Variants in PRKAG2 observed in about 807,000 individuals in gnomAD.
The protein encoded by PRKAG2 is protein kinase AMP-activated non-catalytic subunit gamma 2.
In PRKAG2, 26 loss-of-function variants were observed where a neutral mutation model predicts 69.6. That is an observed-to-expected ratio of 0.37 (90% CI 0.27 to 0.52). The LOEUF (loss-of-function observed/expected upper bound fraction) is 0.52, where lower values mean the gene tolerates loss of function less well. Among genes scored for constraint, PRKAG2 ranks in the 20% least tolerant of loss-of-function variants. PRKAG2 has a pLI of 0.90. For synonymous variants in PRKAG2, 293 were observed against 285.0 expected (o/e 1.03, Z -0.28); for missense variants, 557 against 740.0 (o/e 0.75, Z 2.87).
chr7:151,621,678 T>C (rs1821523370), intron 5 of PRKAG2, among the ~76,000 whole-genome samples: 1 of 152,086 alleles, frequency 6.6e-6, no homozygotes, highest in Non-Finnish European at 1.5e-5. Context: ...GCTCAAGCAA[T>C]CCTCCTATCT....
At chr7:151,650,155 C>T (rs1828245032) in intron 4 of PRKAG2, among the ~76,000 whole-genome samples, 1 of 152,118 alleles carries the variant, frequency 6.6e-6, no homozygotes, top group Non-Finnish European at 1.5e-5. Context: ...GTGGAGGCTG[C>T]AGTGAGCTGT....
intron 3 of PRKAG2, among the ~76,000 whole-genome samples, chr7:151,775,013 C>T (rs2076267957): frequency 6.6e-6 from 1 of 152,200 alleles, no homozygotes; most frequent in South Asian, 2.1e-4. Flanking sequence ...GGGATCATAG[C>T]CACATCCTCC....
chr7:151,832,594 C>CT (rs1554614821), intron 1 of PRKAG2, among the ~76,000 whole-genome samples: 10 of 12,626 alleles, frequency 7.9e-4, no homozygotes, highest in Non-Finnish European at 2.5e-3. Context: ...TGAGGCATCT[C>CT]TGGGGGGGGG....
At chr7:151,707,256 C>G (rs1252645947) in intron 3 of PRKAG2, among the ~76,000 whole-genome samples, 1 of 152,324 alleles carries the variant, frequency 6.6e-6, no homozygotes, top group East Asian at 1.9e-4. Context: ...GGAGAATGAA[C>G]AGCAGTGTCC....
chr7:151,808,925 G>A (rs769429359), intron 1 of PRKAG2, among the ~76,000 whole-genome samples: 4 of 152,172 alleles, frequency 2.6e-5, no homozygotes, highest in African/African-American at 4.8e-5. Context: ...AGCTCCTCAC[G>A]CCCAAGCCCA....
At chr7:151,679,139 G>T (rs1461501310) in intron 3 of PRKAG2, among the ~76,000 whole-genome samples, 2 of 152,104 alleles carry the variant, frequency 1.3e-5, no homozygotes, top group East Asian at 3.9e-4. Context: ...GACCACAAAA[G>T]GGCTGCCGGC....
At chr7:151,860,911 C>T (rs899326612) in intron 1 of PRKAG2, among the ~76,000 whole-genome samples, 2 of 152,132 alleles carry the variant, frequency 1.3e-5, no homozygotes, top group Admixed American at 1.3e-4. Context: ...ACTCCAAGGA[C>T]CCTAAAGTCC....
chr7:151,712,055 C>A (rs1266881646), intron 3 of PRKAG2, among the ~76,000 whole-genome samples: 1 of 152,244 alleles, frequency 6.6e-6, no homozygotes, highest in Non-Finnish European at 1.5e-5. Context: ...CAGGGTGTGA[C>A]TGCCCGGAGG....
intron 3 of PRKAG2, among the ~76,000 whole-genome samples, chr7:151,725,153 C>T (rs577113333): frequency 1.3e-5 from 2 of 152,232 alleles, no homozygotes; most frequent in East Asian, 3.9e-4. Flanking sequence ...TGTCCATCGA[C>T]GCATGAACAA....
intron 3 of PRKAG2, among the ~76,000 whole-genome samples, chr7:151,774,775 C>T (rs1305259016): frequency 6.6e-6 from 1 of 152,116 alleles, no homozygotes; most frequent in Non-Finnish European, 1.5e-5. Context: ...CCATTGCACT[C>T]CAGCCTGGTG....
At chr7:151,839,820 T>C (rs931840803) in intron 1 of PRKAG2, among the ~76,000 whole-genome samples, 4 of 152,066 alleles carry the variant, frequency 2.6e-5, no homozygotes, top group African/African-American at 7.2e-5. Context: ...CAGCCCAACG[T>C]AGCAGGGGCC....
chr7:151,678,857 G>A (rs1833377554), intron 3 of PRKAG2, among the ~76,000 whole-genome samples: 2 of 152,128 alleles, frequency 1.3e-5, no homozygotes, highest in Admixed American at 6.5e-5. Context: ...CACTCCAGAG[G>A]CTGAGGCAGG....
At chr7:151,854,997 ATG>A (rs1554618655) in intron 1 of PRKAG2, among the ~76,000 whole-genome samples, 1 of 8,402 alleles carries the variant, frequency 1.2e-4, no homozygotes, top group Non-Finnish European at 2.6e-4. Flanking sequence ...CACACACACC[ATG>A]CTCCACACAC....
At chr7:151,608,066 C>T (rs1268978857) in intron 5 of PRKAG2, among the ~76,000 whole-genome samples, 2 of 152,080 alleles carry the variant, frequency 1.3e-5, no homozygotes, top group Admixed American at 6.6e-5. Context: ...GGGAGGGCCA[C>T]GTGAAGACAG....
At chr7:151,773,610 A>G (rs544509708) in intron 3 of PRKAG2, among the ~76,000 whole-genome samples, 1 of 152,386 alleles carries the variant, frequency 6.6e-6, no homozygotes, top group South Asian at 2.1e-4. Context: ...AGCAAAATTT[A>G]GCAACACGAC....
intron 1 of PRKAG2, among the ~76,000 whole-genome samples, chr7:151,875,565 GTGTGTGTGTGT>G (rs1563774138): frequency 0.03 from 1,239 of 41,456 alleles, 6 homozygotes; most frequent in Middle Eastern, 0.053. Context: ...GCACTCTGGT[GTGTGTGTGTGT>G]GTGTGTGTGT....
chr7:151,841,614 A>G (rs1188366600), intron 1 of PRKAG2, among the ~76,000 whole-genome samples: 3 of 135,716 alleles, frequency 2.2e-5, no homozygotes, highest in Non-Finnish European at 4.7e-5. Flanking sequence ...TAGTGATAGT[A>G]GGTAGGGATG....
At chr7:151,831,217 C>G (rs1241404336) in intron 1 of PRKAG2, among the ~76,000 whole-genome samples, 1 of 152,140 alleles carries the variant, frequency 6.6e-6, no homozygotes, top group Non-Finnish European at 1.5e-5. Context: ...CAATATGACC[C>G]AGCAACTCCA....
chr7:151,619,083 C>T (rs1036703776), intron 5 of PRKAG2, among the ~76,000 whole-genome samples: 2 of 152,188 alleles, frequency 1.3e-5, no homozygotes, highest in Admixed American at 1.3e-4. Context: ...GAGTTGCAAT[C>T]GATGCCTAAG....
Sources: gnomAD v4.1 joint callset for allele counts (sites outside exome capture counted in the v4.1 genomes callset) on GRCh38, gnomAD v4.1.1 for gene constraint, MANE v1.5 for transcripts, NCBI Gene and HGNC (gene_info 2026-07-23, HGNC 2026-07-21) for gene names.